Variants in CEP120 observed in about 807,000 individuals in gnomAD.
CEP120 encodes the protein centrosomal protein of 120 kDa.
In CEP120, 113 loss-of-function variants were observed where a neutral mutation model predicts 126.5. The ratio of observed to expected loss-of-function variants is 0.89; its 90% CI spans 0.77 to 1.04. The LOEUF is 1.04. CEP120 is among the 50% of genes least tolerant of loss of function. CEP120 has a pLI of 0.00. For missense variants in CEP120, 1,230 were observed against 1,155.7 expected (o/e 1.06, Z -0.93); for synonymous variants, 400 against 394.3 (o/e 1.01, Z -0.17).
At chr5:123,377,648 T>C (rs1771334012) in intron 15 of CEP120, 113 bp from the exon 16 acceptor site, 3 of 834,206 alleles carry the variant, frequency 3.6e-6, no homozygotes, top group Admixed American at 2.9e-5. Flanking sequence ...CAAATTTATT[T>C]TCATATCTTT....
Position 123,418,334 on chromosome 5 carries a change from A to T in CEP120, c.206+25T>A, listed in dbSNP as rs769521842. The T allele has an allele frequency of 4.6e-6, 7 of 1,519,862 alleles. No homozygotes were observed. In the African/African-American group the frequency reaches 9.7e-5, roughly 21 times the overall value. 94.1% of individuals were successfully genotyped at this position (1,519,862 alleles called of 1,614,324 possible). On this transcript the variant is annotated intron_variant, in intron 2 of 19. Coordinates refer to ENST00000306467, the MANE Select transcript of CEP120 (RefSeq NM_001375405.1). Reference sequence around the variant, plus strand: ...CCTGAAAAATAAGAAACCAATAAAGAAGCTAAAATGAAAATGATAATCACC... The same window carrying T: ...CCTGAAAAATAAGAAACCAATAAAGTAGCTAAAATGAAAATGATAATCACC...
intron 16 of CEP120, among the ~76,000 whole-genome samples, chr5:123,374,065 T>C (rs1771040844): frequency 6.6e-6 from 1 of 152,010 alleles, no homozygotes. Context: ...CAGATAAATA[T>C]CCATGTAAAT....
chr5:123,420,512 A>G (rs779805008), intron 1 of CEP120, among the ~76,000 whole-genome samples: 27 of 152,232 alleles, frequency 1.8e-4, no homozygotes, highest in Non-Finnish European at 3.8e-4. Flanking sequence ...CAAAGGGATG[A>G]GAATACATGA....
chr5:123,409,573 C>G (rs1255916267), intron 4 of CEP120, among the ~76,000 whole-genome samples: 1 of 152,100 alleles, frequency 6.6e-6, no homozygotes, highest in Non-Finnish European at 1.5e-5. Context: ...AAAGAGTATA[C>G]AGATGAGGAA....
At chr5:123,353,805 T>C (rs927034033) in intron 18 of CEP120, among the ~76,000 whole-genome samples, 1 of 152,056 alleles carries the variant, frequency 6.6e-6, no homozygotes, top group African/African-American at 2.4e-5. Flanking sequence ...CTTGTCTCTT[T>C]TTTCAATTCC....
chr5:123,394,362 G>C (rs1336061429), intron 5 of CEP120, among the ~76,000 whole-genome samples: 4 of 152,174 alleles, frequency 2.6e-5, no homozygotes, highest in Non-Finnish European at 4.4e-5. Flanking sequence ...TTCTACCTCA[G>C]ATCATTAGGC....
intron 8 of CEP120, 46 bp from the exon 9 acceptor site, chr5:123,388,652 G>A: frequency 2.8e-6 from 4 of 1,415,366 alleles, no homozygotes; most frequent in South Asian, 1.6e-5. Flanking sequence ...CTTGCTAACA[G>A]TTTCTCTTAA....
intron 8 of CEP120, among the ~76,000 whole-genome samples, chr5:123,389,111 G>A (rs1390185895): frequency 6.6e-6 from 1 of 152,188 alleles, no homozygotes; most frequent in East Asian, 1.9e-4. Flanking sequence ...GCCACTCAGT[G>A]ACAGAGATGT....
At chr5:123,395,677 A>C (rs752366419) in intron 5 of CEP120, among the ~76,000 whole-genome samples, 170 of 135,606 alleles carry the variant, frequency 1.3e-3, no homozygotes, top group Admixed American at 5.1e-3. Context: ...TCAGTACTTC[A>C]TTCCTTTTTT....
intron 17 of CEP120, among the ~76,000 whole-genome samples, chr5:123,367,050 T>C (rs1308315084): frequency 6.6e-6 from 1 of 151,840 alleles, no homozygotes; most frequent in African/African-American, 2.4e-5. Context: ...GAACGCCAAA[T>C]GGTTTCTATC....
intron 14 of CEP120, among the ~76,000 whole-genome samples, chr5:123,381,461 C>T (rs1771644259): frequency 2.0e-5 from 3 of 151,996 alleles, no homozygotes; most frequent in Admixed American, 1.3e-4. Flanking sequence ...TTCTAAAGTC[C>T]TAAAATTATT....
At chr5:123,369,927 T>C (rs1770729703) in intron 17 of CEP120, among the ~76,000 whole-genome samples, 1 of 152,054 alleles carries the variant, frequency 6.6e-6, no homozygotes, top group Non-Finnish European at 1.5e-5. Flanking sequence ...ACTCAATAAA[T>C]AGCTGGTGAA....
intron 16 of CEP120, among the ~76,000 whole-genome samples, chr5:123,375,928 C>T (rs1366538252): frequency 1.3e-5 from 2 of 151,710 alleles, no homozygotes; most frequent in African/African-American, 4.8e-5. Flanking sequence ...AGGCATTCAT[C>T]ATACATATCT....
intron 18 of CEP120, among the ~76,000 whole-genome samples, chr5:123,355,029 T>G (rs1439173205): frequency 8.8e-5 from 13 of 148,542 alleles, no homozygotes; most frequent in Non-Finnish European, 1.6e-4. Flanking sequence ...AGTGAGAACA[T>G]GCGGTGTTTG....
At chr5:123,417,918 G>A (rs1774481894) in intron 2 of CEP120, among the ~76,000 whole-genome samples, 1 of 151,854 alleles carries the variant, frequency 6.6e-6, no homozygotes, top group South Asian at 2.1e-4. Context: ...ATGTTTAACT[G>A]TTATTGTTGC....
chr5:123,349,852 T>A lies in CEP120; in HGVS notation c.2726+92A>T. 4.1e-6 allele frequency: 4 copies of A among 965,464 alleles called. 1 individual carries two copies. In the South Asian group the frequency reaches 5.2e-5, roughly 12 times the overall value. 59.8% of individuals were successfully genotyped at this position (965,464 alleles called of 1,614,324 possible). A position where few individuals can be genotyped will look rare whatever the true frequency, so the allele number is the denominator to read the frequency against. On this transcript the variant is annotated intron_variant, in intron 19 of 19. Transcript: ENST00000306467. ...GTCTGCTACATTTTATATATTTTTATATATGATCTACTTTATCCTTGGGAG... is the reference window on the plus strand; with the variant it reads ...GTCTGCTACATTTTATATATTTTTAAATATGATCTACTTTATCCTTGGGAG...
intron 18 of CEP120, among the ~76,000 whole-genome samples, chr5:123,362,383 G>T (rs1770147682): frequency 6.6e-6 from 1 of 151,762 alleles, no homozygotes; most frequent in Non-Finnish European, 1.5e-5. Flanking sequence ...AAGGGAAAGA[G>T]CCTGAGGCTG....
In CEP120 at chr5:123,382,841, A is replaced by C. The variant is rs779171048; in HGVS notation, c.1909T>G (p.Cys637Gly). ...GGCTCTGTCTGGATCTCTGAAGGAC[A>C]AGGTGCTGGAGGAAGAGAAGACGGC... Reference protein sequence around the residue: ...QKPSSLPPAPCPSEIQTEPRE... With the variant: ...QKPSSLPPAPGPSEIQTEPRE... Residue 637 changes from cysteine (C) to glycine (G), a missense_variant, in exon 13 of 20, where the codon TGT (cysteine) becomes GGT (glycine). Coordinates refer to ENST00000306467, the MANE Select transcript of CEP120 (RefSeq NM_001375405.1). 3.0e-5 allele frequency: 48 copies of C among 1,613,490 alleles called. No homozygotes were observed. The East Asian group carries it at 1.0e-3, about 34-fold the overall frequency.
At chr5:123,407,062 T>G (rs1580729578) in intron 4 of CEP120, among the ~76,000 whole-genome samples, 1 of 150,306 alleles carries the variant, frequency 6.7e-6, no homozygotes, top group East Asian at 1.9e-4. Context: ...TATTTGAAAT[T>G]TGTAAATGTA....
Sources: allele counts gnomAD v4.1 joint callset (sites outside exome capture counted in the v4.1 genomes callset), GRCh38; gene constraint gnomAD v4.1.1; transcripts MANE v1.5; gene names NCBI Gene and HGNC (gene_info 2026-07-23, HGNC 2026-07-21).